The following VPS13A variants were observed in gnomAD, a reference collection of about 807,000 sequenced individuals.
VPS13A encodes vacuolar protein sorting 13 homolog A.
VPS13A carries 264 observed loss-of-function variants against 390.9 expected under a neutral mutation model. That is an observed-to-expected ratio of 0.68 (90% CI 0.61 to 0.75). VPS13A has a LOEUF of 0.75. Ranked by LOEUF, VPS13A falls within the 30% of genes least tolerant of loss-of-function variation. The pLI is 0.00. For synonymous variants in VPS13A, 1,231 were observed against 1,227.1 expected, an observed-to-expected ratio of 1.00 and a Z score of -0.07; for missense variants, 3,409 against 3,733.9, an observed-to-expected ratio of 0.91 and a Z score of 2.27.
chr9:77,360,797 T>G (rs962531324), intron 59 of VPS13A, among the ~76,000 whole-genome samples, 156 bp downstream of exon 59: 2 of 152,146 alleles, frequency 1.3e-5, no homozygotes, highest in African/African-American at 4.8e-5. Flanking sequence ...AGAAATCTTA[T>G]TTTCTGATGA....
chr9:77,182,386 G>T (rs12348961), intron 1 of VPS13A, among the ~76,000 whole-genome samples: 1 of 152,156 alleles, frequency 6.6e-6, no homozygotes, highest in Admixed American at 6.5e-5. Flanking sequence ...GAGCCACTGC[G>T]TCCGGCCATT....
At chr9:77,367,962 A>G (rs1832528152) in intron 61 of VPS13A, 93 bp from the exon 62 acceptor site, 9 of 1,203,380 alleles carry the variant, frequency 7.5e-6, no homozygotes, top group Non-Finnish European at 1.1e-5. Context: ...AGGTTTGGAG[A>G]AAAGATTCTA....
In VPS13A at chr9:77,369,622, C is replaced by T. The variant is rs1014294027; in HGVS notation, c.8667+210C>T. On this transcript the variant is annotated intron_variant, in intron 63 of 71. Transcript: ENST00000360280. ...TTAAACTTAAGATTTTGTTAAGCTA[C>T]GCTGAATTGTAAGTGTTCTCTTGGA... is the stretch of plus-strand genomic sequence containing the variant. Among the ~76,000 whole-genome samples the T allele has an allele frequency of 9.9e-5, 15 of 152,204 alleles. No individual in the cohort carries two copies. The East Asian group carries it at 2.5e-3, about 25-fold the overall frequency.
intron 23 of VPS13A, among the ~76,000 whole-genome samples, chr9:77,269,083 A>G (rs897810020): frequency 3.3e-5 from 5 of 152,162 alleles, no homozygotes; most frequent in African/African-American, 1.2e-4. Context: ...TTTTGATACA[A>G]TTGACTTTAG....
intron 19 of VPS13A, 110 bp from the exon 20 acceptor site, chr9:77,247,149 T>G (rs1824864655): frequency 2.1e-6 from 2 of 965,882 alleles, no homozygotes; most frequent in Non-Finnish European, 3.0e-6. Context: ...ATTTTAAAAT[T>G]AATACTAATT....
intron 59 of VPS13A, among the ~76,000 whole-genome samples, chr9:77,364,651 G>T (rs1445129036): frequency 6.6e-6 from 1 of 152,182 alleles, no homozygotes. Flanking sequence ...ATTAGTCTGG[G>T]AGAGGGGACA....
intron 50 of VPS13A, 135 bp from the exon 51 acceptor site, chr9:77,344,018 C>T (rs1474274241): frequency 3.7e-6 from 3 of 801,526 alleles, no homozygotes; most frequent in Non-Finnish European, 5.8e-6. Flanking sequence ...GCTGTTTAAA[C>T]AACCCAATAA....
chr9:77,352,490 A>G (rs1380581818), intron 53 of VPS13A, among the ~76,000 whole-genome samples: 2 of 152,104 alleles, frequency 1.3e-5, no homozygotes, highest in Non-Finnish European at 2.9e-5. Flanking sequence ...ATTCATTACT[A>G]TTAGATTTAT....
chr9:77,308,151 T>C (rs888914845), intron 35 of VPS13A, 53 bp downstream of exon 35: 2 of 1,575,328 alleles, frequency 1.3e-6, no homozygotes, highest in Non-Finnish European at 1.7e-6. Flanking sequence ...CTCTTTTTTC[T>C]TCTATCTTCT....
Position 77,339,588 on chromosome 9 carries a change from G to C in VPS13A, c.6451G>C (p.Ala2151Pro). The C allele has an allele frequency of 1.9e-6, 3 of 1,603,330 alleles. No individual in the cohort carries two copies. The highest frequency in any genetic ancestry group is 2.6e-6 in the Non-Finnish European group (3 of 1,174,030). ...GATTTGTACTGCACAGTTGGGTAAA[G>C]CCAGGCTACATTTAAAATTACTTGA... ...AQICTAQLGK[A>P]RLHLKLLDYL... is the part of the protein sequence containing the mutation. The change falls in exon 48 of 72, where the codon GCC (alanine) becomes CCC (proline). Residue 2151 changes from alanine (A) to proline (P), a missense_variant. Transcript: ENST00000360280.
intron 52 of VPS13A, among the ~76,000 whole-genome samples, chr9:77,350,615 C>T (rs1831400102): frequency 6.6e-6 from 1 of 152,116 alleles, no homozygotes; most frequent in African/African-American, 2.4e-5. Flanking sequence ...TGATATTAAA[C>T]ATCATTGAAC....
At position 77,262,616 on chromosome 9, in the gene VPS13A, A is replaced by T. The variant is rs1825821008; in HGVS notation, c.2427+2392A>T. 4.6e-5 allele frequency among the ~76,000 whole-genome samples: 7 copies of T among 151,858 alleles called. No homozygotes were observed. The South Asian group carries it at 1.5e-3, about 32-fold the overall frequency. On this transcript the variant is annotated intron_variant, in intron 23 of 71. Coordinates refer to ENST00000360280, the MANE Select transcript of VPS13A (RefSeq NM_033305.3). ...ACCCCTCGACAGGCCCCAGTGTGTGATGTTCCCCTCCCTGTGTTCATGTGT... is the reference window on the plus strand; with the variant it reads ...ACCCCTCGACAGGCCCCAGTGTGTGTTGTTCCCCTCCCTGTGTTCATGTGT...
At chr9:77,379,460 G>A (rs561363543) in intron 67 of VPS13A, among the ~76,000 whole-genome samples, 9 of 152,042 alleles carry the variant, frequency 5.9e-5, no homozygotes, top group Admixed American at 4.6e-4. Context: ...GGCTGATCTC[G>A]AACTTCCGAC....
At chr9:77,286,561 CAT>C (rs1392273803) in intron 31 of VPS13A, among the ~76,000 whole-genome samples, 2 of 152,184 alleles carry the variant, frequency 1.3e-5, no homozygotes, top group Non-Finnish European at 2.9e-5. Flanking sequence ...GATCTTAAAA[CAT>C]ATTACTCCAT....
chr9:77,387,597 G>C (rs1317106137), intron 68 of VPS13A, among the ~76,000 whole-genome samples: 1 of 152,088 alleles, frequency 6.6e-6, no homozygotes, highest in Non-Finnish European at 1.5e-5. Flanking sequence ...CATAACCATA[G>C]ATAAATAATC....
intron 16 of VPS13A, 27 bp downstream of exon 16, chr9:77,227,512 T>C: frequency 6.7e-7 from 1 of 1,484,684 alleles, no homozygotes; most frequent in Non-Finnish European, 9.4e-7. Flanking sequence ...CCTTATACCT[T>C]AGAATATATT....
At chr9:77,211,612 AC>A (rs1825977376) in intron 7 of VPS13A, 1 of 152,210 alleles carries the variant, frequency 6.6e-6, no homozygotes, top group Admixed American at 6.5e-5. Flanking sequence ...CCCCACTGCA[AC>A]GAAAAAAGAA....
intron 68 of VPS13A, among the ~76,000 whole-genome samples, chr9:77,394,377 G>C (rs1421685966): frequency 6.6e-6 from 1 of 152,092 alleles, no homozygotes; most frequent in Non-Finnish European, 1.5e-5. Context: ...AGGGCTCTAG[G>C]ATTTTTGGAA....
chr9:77,389,501 TC>T (rs1833822040), intron 68 of VPS13A, among the ~76,000 whole-genome samples: 1 of 151,850 alleles, frequency 6.6e-6, no homozygotes, highest in African/African-American at 2.4e-5. Flanking sequence ...AGAGACAGGG[TC>T]TTGCTATGTG....
Sources: gnomAD v4.1 joint callset for allele counts (sites outside exome capture counted in the v4.1 genomes callset) on GRCh38, gnomAD v4.1.1 for gene constraint, MANE v1.5 for transcripts, NCBI Gene and HGNC (gene_info 2026-07-23, HGNC 2026-07-21) for gene names.